NAV3: variants seen among roughly 807,000 people sequenced by gnomAD.
NAV3 encodes the protein neuron navigator 3.
NAV3 carries 87 observed loss-of-function variants against 244.7 expected under a neutral mutation model. The ratio of observed to expected loss-of-function variants is 0.36; its 90% CI spans 0.30 to 0.42. The LOEUF (loss-of-function observed/expected upper bound fraction) is 0.42, where lower values mean the gene tolerates loss of function less well. NAV3 is among the 20% of genes least tolerant of loss of function. The probability of loss-of-function intolerance (pLI) is 1.00; values close to 1 mark genes in which losing one functional copy is unlikely to be tolerated. For synonymous variants in NAV3, 1,126 were observed against 1,042.2 expected (o/e 1.08, Z -1.55); for missense variants, 2,663 against 2,893.3 (o/e 0.92, Z 1.83).
chr12:78,089,335 C>G (rs1243028328), intron 12 of NAV3, among the ~76,000 whole-genome samples: 1 of 152,046 alleles, frequency 6.6e-6, no homozygotes, highest in Non-Finnish European at 1.5e-5. Flanking sequence ...ATTATGAAAG[C>G]ATTCAGATGA....
At chr12:77,809,998 AAATT>A (rs1329764022) in intron 2 of NAV3, among the ~76,000 whole-genome samples, 3 of 152,242 alleles carry the variant, frequency 2.0e-5, no homozygotes, top group Non-Finnish European at 4.4e-5. Flanking sequence ...TAAAAATAAT[AAATT>A]AAGTATATAT....
intron 2 of NAV3, among the ~76,000 whole-genome samples, chr12:77,777,230 A>G (rs1870407252): frequency 6.6e-6 from 1 of 152,246 alleles, no homozygotes; most frequent in Non-Finnish European, 1.5e-5. Context: ...TAGGAGATTA[A>G]CAATAATAAC....
intron 1 of NAV3, among the ~76,000 whole-genome samples, chr12:77,857,414 C>A (rs1878557760): frequency 6.6e-6 from 1 of 151,576 alleles, no homozygotes; most frequent in South Asian, 2.1e-4. Context: ...TTAACGGTTG[C>A]ATTGAATAAG....
chr12:77,774,256 A>G (rs1455630255), intron 2 of NAV3, among the ~76,000 whole-genome samples: 2 of 152,226 alleles, frequency 1.3e-5, no homozygotes, highest in South Asian at 2.1e-4. Flanking sequence ...AAGGCCCAAT[A>G]GGAAGTAAAG....
intron 1 of NAV3, among the ~76,000 whole-genome samples, chr12:77,916,476 G>A (rs1887158650): frequency 6.6e-6 from 1 of 151,970 alleles, no homozygotes; most frequent in South Asian, 2.1e-4. Context: ...AGAGACAGAG[G>A]AAAGGCTATT....
At chr12:78,064,113 T>A (rs1307402015) in intron 12 of NAV3, among the ~76,000 whole-genome samples, 2 of 152,040 alleles carry the variant, frequency 1.3e-5, no homozygotes, top group African/African-American at 2.4e-5. Flanking sequence ...AACTAAAGAA[T>A]GGCAGTGGGG....
chr12:77,649,561 G>C (rs1156324768), intron 2 of NAV3, among the ~76,000 whole-genome samples: 1 of 152,012 alleles, frequency 6.6e-6, no homozygotes, highest in African/African-American at 2.4e-5. Context: ...CTAATAAGAA[G>C]AGTAAATCAG....
At chr12:77,913,282 A>C (rs1886796561) in intron 1 of NAV3, among the ~76,000 whole-genome samples, 1 of 152,096 alleles carries the variant, frequency 6.6e-6, no homozygotes, top group Admixed American at 6.6e-5. Flanking sequence ...AATGTTAGCT[A>C]TGATCATATA....
intron 3 of NAV3, among the ~76,000 whole-genome samples, chr12:77,960,484 C>T (rs988871593): frequency 1.2e-4 from 17 of 147,264 alleles, no homozygotes; most frequent in African/African-American, 2.0e-4. Context: ...TACATAAACA[C>T]ATATATATAT....
chr12:78,044,208 G>A (rs1317130554), intron 9 of NAV3, among the ~76,000 whole-genome samples: 1 of 151,984 alleles, frequency 6.6e-6, no homozygotes. Context: ...CATTGCTTGT[G>A]TGTGTCAGGT....
rs1014769891 is a variant in NAV3, at chr12:78,051,215, A to G, written c.2516+68A>G. 13 of 1,510,460 alleles carry G rather than the reference A, an allele frequency of 8.6e-6. No individual in the cohort carries two copies. In the East Asian group the frequency reaches 1.6e-4, roughly 19 times the overall value. 93.6% of individuals were successfully genotyped at this position (1,510,460 alleles called of 1,614,324 possible). A position where few individuals can be genotyped will look rare whatever the true frequency, so the allele number is the denominator to read the frequency against. On this transcript the variant is annotated intron_variant, in intron 11 of 39. Transcript: ENST00000397909. ...GGTGGTCTACTATAATGCATTCACT[A>G]TAAACAAATGTGTAAGTTTGCCCAG...
chr12:78,007,563 C>A, intron 8 of NAV3, 118 bp downstream of exon 8: 1 of 1,124,814 alleles, frequency 8.9e-7, no homozygotes, highest in Non-Finnish European at 1.2e-6. Context: ...AGTAAAGTTT[C>A]ATGCTAAAGA....
intron 27 of NAV3, 54 bp from the exon 28 acceptor site, chr12:78,177,566 A>G: frequency 2.0e-6 from 3 of 1,499,154 alleles, no homozygotes; most frequent in Non-Finnish European, 2.7e-6. Flanking sequence ...CATGATTCTC[A>G]CTTCTTTTCA....
chr12:78,153,576 G>T (rs1179265482), intron 22 of NAV3, among the ~76,000 whole-genome samples: 1 of 152,072 alleles, frequency 6.6e-6, no homozygotes, highest in Non-Finnish European at 1.5e-5. Context: ...GCTGGGTCAG[G>T]TGGGATGCTT....
At position 77,647,634 on chromosome 12, in the gene NAV3, A is replaced by T. The variant is rs139784291; in HGVS notation, c.72+75368A>T. ...CACTGTTTAGTGCTGTTTTGATCAT[A>T]TTCTACTTCATATAAAATAAAGTGA... On this transcript the variant is annotated intron_variant, in intron 2 of 8. Transcript: ENST00000550042. Among the ~76,000 whole-genome samples, 261 of 152,246 alleles carry T rather than the reference A, an allele frequency of 1.7e-3. 1 individual carries two copies. Among genetic ancestry groups the T allele is most frequent in the Non-Finnish European group, 1.2e-3 (85 of 68,002 alleles).
chr12:77,692,765 TA>T (rs140516470), intron 2 of NAV3, among the ~76,000 whole-genome samples: 8,590 of 151,954 alleles, frequency 0.057, 568 homozygotes, highest in African/African-American at 0.17. Context: ...ATACCTTTTT[TA>T]AAAAAAATAT....
intron 2 of NAV3, among the ~76,000 whole-genome samples, chr12:77,712,663 A>G (rs984303808): frequency 2.0e-5 from 3 of 152,154 alleles, no homozygotes; most frequent in African/African-American, 4.8e-5. Flanking sequence ...TAACTGCAGT[A>G]AGTCCCCAAC....
At chr12:77,589,039 C>G (rs1234025881) in intron 2 of NAV3, among the ~76,000 whole-genome samples, 2 of 152,086 alleles carry the variant, frequency 1.3e-5, no homozygotes, top group Non-Finnish European at 2.9e-5. Context: ...GCTTCAATCT[C>G]CATCAAAGCC....
chr12:77,803,971 AGTT>A (rs1052497908), intron 2 of NAV3, among the ~76,000 whole-genome samples: 7 of 151,818 alleles, frequency 4.6e-5, no homozygotes, highest in African/African-American at 1.5e-4. Flanking sequence ...GTTTTGATGG[AGTT>A]GTTTTTTTCT....
Sources: allele counts gnomAD v4.1 joint callset (sites outside exome capture counted in the v4.1 genomes callset), GRCh38; gene constraint gnomAD v4.1.1; transcripts MANE v1.5; gene names NCBI Gene and HGNC (gene_info 2026-07-23, HGNC 2026-07-21).